VWA3A: variants seen among roughly 807,000 people sequenced by gnomAD.
The protein encoded by VWA3A is von Willebrand factor A domain containing 3A, also known as von Willebrand factor A domain-containing protein 3A.
In VWA3A, 134 loss-of-function variants were observed where a neutral mutation model predicts 160.4. The ratio of observed to expected loss-of-function variants is 0.84; its 90% CI spans 0.73 to 0.96. The LOEUF (loss-of-function observed/expected upper bound fraction) is 0.96. Ranked by LOEUF, VWA3A falls within the 40% of genes least tolerant of loss-of-function variation. The probability of loss-of-function intolerance (pLI) is 0.00; values close to 1 mark genes in which losing one functional copy is unlikely to be tolerated. For missense variants in VWA3A, 1,310 were observed against 1,447.9 expected, an observed-to-expected ratio of 0.90 and a Z score of 1.55; for synonymous variants, 476 against 543.4, an observed-to-expected ratio of 0.88 and a Z score of 1.72.
Position 22,131,226 on chromosome 16 carries a change from C to A in VWA3A, c.1674C>A (p.Ser558Arg). 6.2e-7 allele frequency: 1 copy of A among 1,613,974 alleles called. No homozygotes were observed. The highest frequency in any genetic ancestry group is 2.2e-5 in the East Asian group (1 of 44,888). The change falls in exon 18 of 34, where the codon AGC becomes AGA. Residue 558 changes from serine to arginine, a missense_variant. Coordinates refer to ENST00000389398, the MANE Select transcript of VWA3A (RefSeq NM_173615.5). ...NLIAFGSTIE[S>R]WRPEMVPVSH... Reference sequence around the variant, plus strand: ...AAAGGTTTGGAAGCACAATTGAAAGCTGGAGGCCTGAGATGGTTCCCGTGA... The same window carrying A: ...AAAGGTTTGGAAGCACAATTGAAAGATGGAGGCCTGAGATGGTTCCCGTGA...
intron 31 of VWA3A, 45 bp from the exon 32 acceptor site, chr16:22,155,522 G>C: frequency 6.4e-7 from 1 of 1,571,246 alleles, no homozygotes; most frequent in South Asian, 1.1e-5. Flanking sequence ...TGGATTTTCA[G>C]CTCCCATCCA....
chr16:22,143,149 CAAAAA>C (rs776095104), intron 25 of VWA3A, among the ~76,000 whole-genome samples: 1 of 68,806 alleles, frequency 1.5e-5, no homozygotes. Flanking sequence ...GACTCTGTCT[CAAAAA>C]AAAAAAAAAA....
At chr16:22,141,204 T>G in intron 23 of VWA3A, 1 of 474,718 alleles carries the variant, frequency 2.1e-6, no homozygotes, top group Non-Finnish European at 4.2e-6. Context: ...ATGTCAAAGG[T>G]ATGGCAGAGT....
intron 5 of VWA3A, 28 bp from the exon 6 acceptor site, chr16:22,103,447 G>A: frequency 3.2e-6 from 5 of 1,550,544 alleles, no homozygotes; most frequent in East Asian, 4.9e-5. Context: ...CTGGCCTTGG[G>A]TGATGAGTCT....
At chr16:22,117,324 G>C in intron 11 of VWA3A, 148 bp downstream of exon 11, 1 of 829,744 alleles carries the variant, frequency 1.2e-6, no homozygotes, top group East Asian at 2.7e-5. Context: ...GGTTACACAG[G>C]TAAAATCAGG....
rs530782112 is a variant in VWA3A at position 22,093,956 on chromosome 16, A to G, written c.14+1305A>G. On this transcript the variant is annotated intron_variant, in intron 1 of 33. Transcript: ENST00000389398. Reference sequence around the variant, plus strand: ...ATTTTTGTATTTTTTTTTTTTTTATATAGAGACGGGGTCTCGTTATGTTGG... The same window carrying G: ...ATTTTTGTATTTTTTTTTTTTTTATGTAGAGACGGGGTCTCGTTATGTTGG... Among the ~76,000 whole-genome samples the G allele has an allele frequency of 8.9e-4, 130 of 146,642 alleles. 1 individual carries two copies. In the Middle Eastern group the frequency reaches 0.014, roughly 16 times the overall value.
chr16:22,143,455 C>T (rs1021050907), intron 25 of VWA3A, among the ~76,000 whole-genome samples: 20 of 152,158 alleles, frequency 1.3e-4, no homozygotes, highest in Admixed American at 8.5e-4. Context: ...CTGATTGTGC[C>T]GATGGCAGAT....
At chr16:22,146,899 A>G (rs761657379) in intron 27 of VWA3A, among the ~76,000 whole-genome samples, 20 of 152,308 alleles carry the variant, frequency 1.3e-4, no homozygotes, top group Non-Finnish European at 2.6e-4. Flanking sequence ...GCCACCTGCC[A>G]CACCTTGCCT....
At chr16:22,099,430 T>C (rs2045374475) in intron 3 of VWA3A, among the ~76,000 whole-genome samples, 1 of 152,206 alleles carries the variant, frequency 6.6e-6, no homozygotes, top group Non-Finnish European at 1.5e-5. Flanking sequence ...TCTGCCACTT[T>C]CTAGCTGGAT....
At chr16:22,107,324 C>G (rs914219849) in intron 6 of VWA3A, among the ~76,000 whole-genome samples, 3 of 152,184 alleles carry the variant, frequency 2.0e-5, no homozygotes, top group Non-Finnish European at 2.9e-5. Context: ...ATGCTGCTCA[C>G]CATCCTGAAA....
chr16:22,145,654 A>C (rs569254702), intron 26 of VWA3A, among the ~76,000 whole-genome samples: 2 of 152,050 alleles, frequency 1.3e-5, no homozygotes, highest in African/African-American at 4.8e-5. Flanking sequence ...AAAAAAAAAA[A>C]ATCAGAAATT....
intron 16 of VWA3A, 27 bp downstream of exon 16, chr16:22,123,734 CCTTCA>C (rs779370508): frequency 6.3e-7 from 1 of 1,596,576 alleles, no homozygotes; most frequent in South Asian, 1.1e-5. Context: ...GGGTTCTTAT[CCTTCA>C]TGGGTCTGGT....
In VWA3A at chr16:22,148,640, G is replaced by A. The variant is rs141931533; in HGVS notation, c.2984+334G>A. ...TTAAAAATTAGCTGGGTATGGTGGTGTGCACCTGTAGCCCCAACTACTTGG... is the reference window on the plus strand; with the variant it reads ...TTAAAAATTAGCTGGGTATGGTGGTATGCACCTGTAGCCCCAACTACTTGG... On this transcript the variant is annotated intron_variant, in intron 28 of 33. Coordinates refer to ENST00000389398, the MANE Select transcript of VWA3A (RefSeq NM_173615.5). 6.1e-3 allele frequency among the ~76,000 whole-genome samples: 934 copies of A among 152,172 alleles called. 35 individuals carry two copies. Among genetic ancestry groups the A allele is most frequent in the Admixed American group, 0.051 (774 of 15,276 alleles).
intron 22 of VWA3A, among the ~76,000 whole-genome samples, chr16:22,139,903 A>G (rs974591556): frequency 2.0e-5 from 3 of 152,136 alleles, no homozygotes; most frequent in Non-Finnish European, 4.4e-5. Flanking sequence ...ACATGCATAC[A>G]TACACATATG....
chr16:22,150,062 C>A lies in VWA3A; in HGVS notation c.3129+131C>A, dbSNP rs983996077. On this transcript the variant is annotated intron_variant, in intron 29 of 33. Coordinates refer to ENST00000389398, the MANE Select transcript of VWA3A (RefSeq NM_173615.5). ...ACAAAGCACTACATCATTTCATCTT[C>A]CCAACACCCGAGTGAGAAAAGGATT... The A allele has an allele frequency of 5.5e-5, 71 of 1,284,262 alleles. No homozygotes were observed. In the African/African-American group the frequency reaches 1.1e-3, roughly 19 times the overall value. The allele number at this position is 1,284,262 out of a possible 1,614,324, so 79.6% of individuals were successfully genotyped here. A position where few individuals can be genotyped will look rare whatever the true frequency, so the allele number is the denominator to read the frequency against.
intron 28 of VWA3A, 112 bp downstream of exon 28, chr16:22,148,418 T>C: frequency 7.2e-7 from 1 of 1,392,828 alleles, no homozygotes; most frequent in Non-Finnish European, 9.5e-7. Context: ...TGAGATGCTC[T>C]TCTGAGTAAC....
rs1476840103 is a variant in VWA3A at position 22,121,525 on chromosome 16, A to G, written c.1264A>G (p.Ser422Gly). Residue 422 changes from serine (S) to glycine (G), a missense_variant, in exon 14 of 34, where the codon AGT becomes GGT. Coordinates refer to ENST00000389398, the MANE Select transcript of VWA3A (RefSeq NM_173615.5). Reference protein sequence around the residue: ...KVNGLKAKKLSLYQVLAPNAF... With the variant: ...KVNGLKAKKLGLYQVLAPNAF... ...CACTTTTTTTTCAGCCAAGAAATTA[A>G]GTCTATATCAGGTCCTGGCACCCAA... The G allele has an allele frequency of 5.6e-6, 9 of 1,613,230 alleles. 1 individual carries two copies. In the Admixed American group the frequency reaches 1.5e-4, roughly 27 times the overall value.
chr16:22,141,166 G>C, intron 23 of VWA3A: 1 of 459,450 alleles, frequency 2.2e-6, no homozygotes, highest in South Asian at 1.5e-5. Context: ...TCAGCTCGTA[G>C]AACCTAAGAC....
chr16:22,117,020 T>A, intron 10 of VWA3A, 91 bp from the exon 11 acceptor site: 2 of 1,478,544 alleles, frequency 1.4e-6, no homozygotes, highest in South Asian at 2.5e-5. Context: ...AATGGGAAGC[T>A]TTGGATAATT....
Sources: allele counts gnomAD v4.1 joint callset (sites outside exome capture counted in the v4.1 genomes callset), GRCh38; gene constraint gnomAD v4.1.1; transcripts MANE v1.5; gene names NCBI Gene and HGNC (gene_info 2026-07-23, HGNC 2026-07-21).